The following HIPK2 variants were observed in gnomAD, a reference collection of about 807,000 sequenced individuals.
HIPK2 encodes homeodomain-interacting protein kinase 2.
Under a neutral mutation model 113.7 loss-of-function variants are expected in HIPK2, and 27 were observed. That is an observed-to-expected ratio of 0.24 (90% CI 0.17 to 0.33). HIPK2 has a LOEUF of 0.33. HIPK2 is among the 10% of genes least tolerant of loss of function. The pLI, the probability that HIPK2 is intolerant of heterozygous loss-of-function variation, is 1.00. For missense variants in HIPK2, 1,257 were observed against 1,588.0 expected, an observed-to-expected ratio of 0.79 and a Z score of 3.54; for synonymous variants, 631 against 642.2, an observed-to-expected ratio of 0.98 and a Z score of 0.26.
intron 13 of HIPK2, among the ~76,000 whole-genome samples, chr7:139,579,215 C>T (rs1156493338): frequency 3.3e-5 from 5 of 151,986 alleles, no homozygotes; most frequent in Non-Finnish European, 5.9e-5. Context: ...GTTCAAAGGA[C>T]GAATCAGGTA....
chr7:139,612,095 C>A (rs1349626902), intron 9 of HIPK2, among the ~76,000 whole-genome samples: 2 of 151,614 alleles, frequency 1.3e-5, no homozygotes, highest in Non-Finnish European at 2.9e-5. Context: ...CTACTAGATA[C>A]CAAGACAGAC....
At chr7:139,589,238 T>C (rs1318601251) in intron 12 of HIPK2, among the ~76,000 whole-genome samples, 1 of 152,134 alleles carries the variant, frequency 6.6e-6, no homozygotes, top group Admixed American at 6.5e-5. Context: ...ATTATGAGGA[T>C]CTCTGAAAGA....
intron 1 of HIPK2, 21 bp downstream of exon 1, chr7:139,777,584 G>A (rs1423886116): frequency 2.9e-6 from 3 of 1,037,594 alleles, no homozygotes; most frequent in African/African-American, 1.7e-5. Context: ...CGCGGGGTCG[G>A]CGGGGCCGGG....
At chr7:139,701,645 G>C (rs887988843) in intron 2 of HIPK2, among the ~76,000 whole-genome samples, 15,771 of 152,170 alleles carry the variant, frequency 0.1, 1,358 homozygotes, top group African/African-American at 0.22. Flanking sequence ...TCTCTCCCCG[G>C]GTTTAAGAGC....
rs1006931927 is a variant in HIPK2 at position 139,564,834 on chromosome 7, C to T, written c.*8093G>A. 1.3e-5 allele frequency: 2 copies of T among 152,178 alleles called. No individual in the cohort carries two copies. The highest frequency in any genetic ancestry group is 2.9e-5 in the Non-Finnish European group (2 of 68,034). The allele number at this position is 152,178 out of a possible 1,614,324, so 9.4% of individuals were successfully genotyped here. ...TATCCACAGTCAATTGTTTAGTTTA[C>T]TCATTTAAAATGTGACTGTTTTGAT... On this transcript the variant is annotated 3_prime_UTR_variant, in exon 15 of 15. Transcript: ENST00000406875.
intron 2 of HIPK2, among the ~76,000 whole-genome samples, chr7:139,708,370 CTG>C (rs200918042): frequency 0.044 from 6,661 of 152,124 alleles, 477 homozygotes; most frequent in African/African-American, 0.15. Context: ...CCTCAATAAA[CTG>C]TGTGTGTGTT....
In HIPK2 at chr7:139,714,607, A is replaced by AT. The variant is rs1795165312; in HGVS notation, c.1103+1324dup. On this transcript the variant is annotated intron_variant, in intron 2 of 14. Coordinates refer to ENST00000406875, the MANE Select transcript of HIPK2 (RefSeq NM_022740.5). This position sits in a 1 kb window ranked among gnomAD's most constrained non-coding sequence, Gnocchi z 4.2. ...TTCTCTCTGTGGCCTTGAAAGGCGC[A>AT]TGGAGAAAGCACACGGGCAAGCGAG... Among the ~76,000 whole-genome samples, 1 of 152,218 alleles carries AT rather than the reference A, an allele frequency of 6.6e-6. No homozygotes were observed. Among genetic ancestry groups the AT allele is most frequent in the South Asian group, 2.1e-4 (1 of 4,832 alleles).
At chr7:139,743,846 C>G (rs1796147789) in intron 1 of HIPK2, among the ~76,000 whole-genome samples, 1 of 152,166 alleles carries the variant, frequency 6.6e-6, no homozygotes, top group South Asian at 2.1e-4. Context: ...TGCGAGAGAC[C>G]TGGAATGAGG....
chr7:139,607,408 A>T (rs1357702130), intron 9 of HIPK2, among the ~76,000 whole-genome samples: 1 of 152,212 alleles, frequency 6.6e-6, no homozygotes. Flanking sequence ...TAGTCATGAA[A>T]TGTGAGTCCA....
At chr7:139,612,237 C>G (rs1799857542) in intron 9 of HIPK2, among the ~76,000 whole-genome samples, 1 of 152,072 alleles carries the variant, frequency 6.6e-6, no homozygotes, top group African/African-American at 2.4e-5. Flanking sequence ...TAAACAACAA[C>G]AAAAACAACT....
At chr7:139,654,605 A>G (rs1430994186) in intron 2 of HIPK2, among the ~76,000 whole-genome samples, 1 of 152,194 alleles carries the variant, frequency 6.6e-6, no homozygotes, top group Non-Finnish European at 1.5e-5. Flanking sequence ...TGGAGTCCTT[A>G]TGGTGGTCTG....
intron 12 of HIPK2, among the ~76,000 whole-genome samples, chr7:139,587,288 G>C (rs896230152): frequency 1.3e-5 from 2 of 150,686 alleles, no homozygotes; most frequent in Non-Finnish European, 3.0e-5. Flanking sequence ...TCACAAGTTT[G>C]AGATCAGCCT....
chr7:139,588,842 G>A (rs1026019729), intron 12 of HIPK2, among the ~76,000 whole-genome samples: 4 of 152,166 alleles, frequency 2.6e-5, no homozygotes, highest in Non-Finnish European at 4.4e-5. Context: ...ACACTGTTTC[G>A]AAGTACTCTG....
chr7:139,675,547 C>T (rs1179154869), intron 2 of HIPK2, among the ~76,000 whole-genome samples: 21 of 152,094 alleles, frequency 1.4e-4, no homozygotes, highest in Admixed American at 1.4e-3. Context: ...GGCAGCAAAA[C>T]AAGAATGCAT....
intron 2 of HIPK2, among the ~76,000 whole-genome samples, chr7:139,646,206 T>TTCCCTTAAGGCTGGTGCGGTGGC (rs1801215808): frequency 6.6e-6 from 1 of 151,994 alleles, no homozygotes; most frequent in African/African-American, 2.4e-5. Flanking sequence ...GAACAAACGG[T>TTCCCTTAAGGCTGGTGCGGTGGC]TCCCTTAAGG....
At chr7:139,743,282 C>T (rs1569483976) in intron 1 of HIPK2, among the ~76,000 whole-genome samples, 3 of 152,214 alleles carry the variant, frequency 2.0e-5, no homozygotes, top group Admixed American at 6.5e-5. Flanking sequence ...GTACAGATCA[C>T]ATCTTGGGGG....
rs1798022115 is a variant in HIPK2 at position 139,563,993 on chromosome 7, A to G, written c.*8934T>C. ...GTGGGGCCCATTCCTGTCTCGAAGCATCTTCTTGTTCCAAATATGATGTCT... is the reference window on the plus strand; with the variant it reads ...GTGGGGCCCATTCCTGTCTCGAAGCGTCTTCTTGTTCCAAATATGATGTCT... On this transcript the variant is annotated 3_prime_UTR_variant, in exon 15 of 15. Transcript: ENST00000406875. 2.5e-6 allele frequency: 1 copy of G among 398,472 alleles called. No homozygotes were observed. The highest frequency in any genetic ancestry group is 4.4e-6 in the Non-Finnish European group (1 of 226,076). 24.7% of individuals were successfully genotyped at this position (398,472 alleles called of 1,614,324 possible).
intron 1 of HIPK2, among the ~76,000 whole-genome samples, chr7:139,749,018 G>T (rs1273702314): frequency 6.6e-6 from 1 of 152,202 alleles, no homozygotes; most frequent in Non-Finnish European, 1.5e-5. Context: ...CAAGGTCCAA[G>T]AACAAAAACC....
chr7:139,641,073 A>G (rs1355646351), intron 2 of HIPK2, among the ~76,000 whole-genome samples: 1 of 152,198 alleles, frequency 6.6e-6, no homozygotes, highest in Non-Finnish European at 1.5e-5. Flanking sequence ...TTTAGAAATA[A>G]AAACTCCCTG....
Sources: gnomAD v4.1 joint callset for allele counts (sites outside exome capture counted in the v4.1 genomes callset) on GRCh38, gnomAD v4.1.1 for gene constraint, Gnocchi (gnomAD v3.1) non-coding constraint, MANE v1.5 for transcripts, NCBI Gene and HGNC (gene_info 2026-07-23, HGNC 2026-07-21) for gene names.